Variants in EMID1 observed in about 807,000 individuals in gnomAD.
EMID1 encodes the protein EMI domain containing 1.
EMID1 carries 40 observed loss-of-function variants against 60.6 expected under a neutral mutation model. That is an observed-to-expected ratio of 0.66 (90% CI 0.51 to 0.86). The LOEUF is 0.86. EMID1 is among the 40% of genes least tolerant of loss of function. The pLI is 0.00. For missense variants in EMID1, 585 were observed against 597.1 expected (o/e 0.98, Z 0.21); for synonymous variants, 242 against 231.0 (o/e 1.05, Z -0.43).
chr22:29,231,373 G>A, intron 6 of EMID1: 3 of 819,412 alleles, frequency 3.7e-6, no homozygotes, highest in Non-Finnish European at 6.0e-6. Context: ...GAGGTCGGGG[G>A]GAGCTGGGAG....
At chr22:29,224,562 A>G (rs559555673) in intron 3 of EMID1, among the ~76,000 whole-genome samples, 1 of 152,306 alleles carries the variant, frequency 6.6e-6, no homozygotes, top group Non-Finnish European at 1.5e-5. Flanking sequence ...GTTTTCATTT[A>G]AAACCAGGGC....
Position 29,206,074 on chromosome 22 carries a change from C to G in EMID1, c.36C>G (p.Leu12=). ...CGCGGGCTTGGGCGCTGCTCTGCCT[C>G]GGGCTCCTGCTCCCGGGAGGCGGCG... The part of the protein sequence containing the change: ...GGPRAWALLC[L]GLLLPGGGAA... The change falls in exon 1 of 15, where the codon CTC becomes CTG. Residue 12 remains leucine (L), a synonymous_variant. Transcript: ENST00000334018. 2 of 1,230,406 alleles carry G rather than the reference C, an allele frequency of 1.6e-6. No homozygotes were observed. The highest frequency in any genetic ancestry group is 3.1e-4 in the Middle Eastern group (1 of 3,214). 76.2% of individuals were successfully genotyped at this position (1,230,406 alleles called of 1,614,324 possible). A position where few individuals can be genotyped will look rare whatever the true frequency, so the allele number is the denominator to read the frequency against.
At chr22:29,220,369 A>C (rs2040247765) in intron 3 of EMID1, among the ~76,000 whole-genome samples, 1 of 152,206 alleles carries the variant, frequency 6.6e-6, no homozygotes, top group African/African-American at 2.4e-5. Context: ...GACATAGACT[A>C]AGCCTTCCTG....
intron 5 of EMID1, 89 bp downstream of exon 5, chr22:29,226,640 G>A (rs1175493308): frequency 1.8e-5 from 23 of 1,263,358 alleles, no homozygotes; most frequent in Admixed American, 8.3e-5. Flanking sequence ...CTCCTTCCCC[G>A]CACCCCATGC....
At chr22:29,240,441 GC>G (rs1405580301) in intron 12 of EMID1, among the ~76,000 whole-genome samples, 1 of 152,044 alleles carries the variant, frequency 6.6e-6, no homozygotes, top group African/African-American at 2.4e-5. Context: ...ACCCCTCGTG[GC>G]CTTTGGAACA....
intron 5 of EMID1, among the ~76,000 whole-genome samples, chr22:29,228,443 TG>T (rs2040609811): frequency 6.6e-6 from 1 of 152,200 alleles, no homozygotes; most frequent in African/African-American, 2.4e-5. Flanking sequence ...TCACAGCAGT[TG>T]CCCATGCCCC....
At chr22:29,235,272 C>G (rs1231320438) in intron 12 of EMID1, among the ~76,000 whole-genome samples, 4 of 150,174 alleles carry the variant, frequency 2.7e-5, no homozygotes, top group Non-Finnish European at 5.9e-5. Context: ...TGCTTGAACC[C>G]AGGAGGCAGA....
At chr22:29,221,716 G>A (rs1055494717) in intron 3 of EMID1, among the ~76,000 whole-genome samples, 4 of 152,138 alleles carry the variant, frequency 2.6e-5, no homozygotes, top group Non-Finnish European at 5.9e-5. Context: ...CCCACAACCT[G>A]TGGCTTCTTC....
At chr22:29,251,891 C>T (rs2041541257) in intron 13 of EMID1, among the ~76,000 whole-genome samples, 1 of 152,130 alleles carries the variant, frequency 6.6e-6, no homozygotes, top group East Asian at 1.9e-4. Flanking sequence ...TTTTGCACTC[C>T]TGACCTCAAG....
At chr22:29,253,866 A>G (rs2041609546) in intron 13 of EMID1, 1 of 979,554 alleles carries the variant, frequency 1.0e-6, no homozygotes, top group Non-Finnish European at 1.2e-6. Flanking sequence ...AGAGGACAGG[A>G]GGGCTCCCAG....
chr22:29,225,051 T>C, intron 3 of EMID1, 82 bp from the exon 4 acceptor site: 2 of 1,453,742 alleles, frequency 1.4e-6, no homozygotes, highest in Admixed American at 1.7e-5. Flanking sequence ...TAGGGGTCCC[T>C]GCTGGGGCTA....
rs2041626970 is a variant in EMID1, at chr22:29,254,221, C to G, written c.1138C>G (p.Leu380Val). 3.7e-6 allele frequency: 6 copies of G among 1,614,062 alleles called. No individual in the cohort carries two copies. The highest frequency in any genetic ancestry group is 5.1e-6 in the Non-Finnish European group (6 of 1,180,018). The change falls in exon 14 of 15, where the codon CTA becomes GTA. Residue 380 changes from leucine to valine, a missense_variant. By Grantham distance (32) the Leu-to-Val change is conservative (BLOSUM62 1). Coordinates refer to ENST00000334018, the MANE Select transcript of EMID1 (RefSeq NM_133455.4). ...KSHWGEGLHQ[L>V]REALKILAER... The stretch of plus-strand genomic sequence containing the variant: ...TCCACAGGGGGAGGGGTTGCACCAG[C>G]TACGCGAGGCTTTGAAGATTTTAGC...
At chr22:29,250,978 C>G (rs181412489) in intron 13 of EMID1, among the ~76,000 whole-genome samples, 1 of 151,702 alleles carries the variant, frequency 6.6e-6, no homozygotes, top group Non-Finnish European at 1.5e-5. Context: ...AGTGCTATGG[C>G]ATGATCATGA....
chr22:29,225,052 G>A (rs2040447558), intron 3 of EMID1, 81 bp from the exon 4 acceptor site: 8 of 1,456,556 alleles, frequency 5.5e-6, no homozygotes, highest in Non-Finnish European at 5.7e-6. Context: ...AGGGGTCCCT[G>A]CTGGGGCTAC....
intron 13 of EMID1, among the ~76,000 whole-genome samples, chr22:29,250,396 C>T (rs989994869): frequency 4.6e-5 from 7 of 152,148 alleles, no homozygotes; most frequent in Non-Finnish European, 5.9e-5. Flanking sequence ...GTGTGAATGT[C>T]CCACAATTTA....
chr22:29,249,343 T>G (rs1269920424), intron 13 of EMID1, among the ~76,000 whole-genome samples: 1 of 152,086 alleles, frequency 6.6e-6, no homozygotes, highest in Non-Finnish European at 1.5e-5. Flanking sequence ...CTCAGCTCAC[T>G]ACAACCTCCG....
At chr22:29,207,206 G>A (rs377494022) in intron 1 of EMID1, among the ~76,000 whole-genome samples, 277 of 152,344 alleles carry the variant, frequency 1.8e-3, no homozygotes, top group Middle Eastern at 0.01. Context: ...GCTGGAGGAC[G>A]GAGGTGGTTG....
intron 14 of EMID1, among the ~76,000 whole-genome samples, chr22:29,256,433 C>T (rs2041709189): frequency 6.9e-6 from 1 of 145,936 alleles, no homozygotes; most frequent in South Asian, 2.2e-4. Flanking sequence ...CACTGTACTC[C>T]AGCCTGGGTG....
At chr22:29,233,331 C>T in intron 8 of EMID1, 48 bp from the exon 9 acceptor site, 1 of 1,603,680 alleles carries the variant, frequency 6.2e-7, no homozygotes, top group Non-Finnish European at 8.5e-7. Flanking sequence ...GAAGACTAAC[C>T]ACCCCACTCT....
Sources: gnomAD v4.1 joint callset for allele counts (sites outside exome capture counted in the v4.1 genomes callset) on GRCh38, gnomAD v4.1.1 for gene constraint, MANE v1.5 for transcripts, NCBI Gene and HGNC (gene_info 2026-07-23, HGNC 2026-07-21) for gene names.